Variants in KDM4C observed in about 807,000 individuals in gnomAD.
KDM4C encodes lysine demethylase 4C.
In KDM4C, 81 loss-of-function variants were observed where a neutral mutation model predicts 129.3. That is an observed-to-expected ratio of 0.63 (90% CI 0.52 to 0.75). The LOEUF is 0.75. Ranked by LOEUF, KDM4C falls within the 30% of genes least tolerant of loss-of-function variation. KDM4C has a pLI of 0.00. For missense variants in KDM4C, 1,457 were observed against 1,304.0 expected, an observed-to-expected ratio of 1.12 and a Z score of -1.81; for synonymous variants, 573 against 456.1, an observed-to-expected ratio of 1.26 and a Z score of -3.26.
At chr9:6,825,684 C>G (rs1833763462) in intron 4 of KDM4C, among the ~76,000 whole-genome samples, 1 of 152,140 alleles carries the variant, frequency 6.6e-6, no homozygotes, top group African/African-American at 2.4e-5. Flanking sequence ...AATTGTACCT[C>G]CAAGATTTTT....
intron 4 of KDM4C, among the ~76,000 whole-genome samples, chr9:6,832,139 G>A (rs1003184807): frequency 6.6e-6 from 1 of 151,844 alleles, no homozygotes; most frequent in African/African-American, 2.4e-5. Context: ...GAGATCGAGA[G>A]CATCCTGGCT....
chr9:6,979,863 A>T (rs1014982724), intron 8 of KDM4C, among the ~76,000 whole-genome samples: 1 of 152,194 alleles, frequency 6.6e-6, no homozygotes, highest in African/African-American at 2.4e-5. Context: ...CTATGTATGT[A>T]GGAGAATAGA....
At chr9:6,857,856 G>A (rs1012193868) in intron 5 of KDM4C, among the ~76,000 whole-genome samples, 11 of 149,864 alleles carry the variant, frequency 7.3e-5, no homozygotes, top group African/African-American at 2.5e-4. Context: ...CCGGGCTCAA[G>A]CGATCCTCCC....
intron 1 of KDM4C, among the ~76,000 whole-genome samples, chr9:6,774,666 T>A (rs577360224): frequency 9.9e-4 from 150 of 152,086 alleles, no homozygotes; most frequent in African/African-American, 3.5e-3. Context: ...AAAAAAAAAA[T>A]TTTAACATAG....
chr9:7,066,634 T>A (rs1832459223), intron 17 of KDM4C, among the ~76,000 whole-genome samples: 1 of 152,236 alleles, frequency 6.6e-6, no homozygotes, highest in Non-Finnish European at 1.5e-5. Flanking sequence ...CATAAAATTT[T>A]AAATTATTCA....
At chr9:6,892,077 A>G (rs577987651) in intron 7 of KDM4C, among the ~76,000 whole-genome samples, 198 of 152,306 alleles carry the variant, frequency 1.3e-3, no homozygotes, top group Non-Finnish European at 2.2e-3. Flanking sequence ...AACATACAGC[A>G]TTTGCTAAAT....
chr9:6,784,762 G>A (rs541196343), intron 1 of KDM4C, among the ~76,000 whole-genome samples: 2 of 152,314 alleles, frequency 1.3e-5, no homozygotes, highest in East Asian at 3.9e-4. Context: ...GGCAAAAATG[G>A]TCAGGAGGCT....
chr9:7,055,134 C>T (rs957307359), intron 17 of KDM4C, among the ~76,000 whole-genome samples: 7 of 152,066 alleles, frequency 4.6e-5, no homozygotes, highest in South Asian at 2.1e-4. Flanking sequence ...ACCGAGATGG[C>T]GCCACTGCAC....
At chr9:6,821,516 CTT>C (rs985805276) in intron 4 of KDM4C, among the ~76,000 whole-genome samples, 6 of 152,166 alleles carry the variant, frequency 3.9e-5, no homozygotes, top group African/African-American at 1.4e-4. Flanking sequence ...GCATAGATGT[CTT>C]CTTTTGAGAA....
chr9:6,798,904 C>A (rs1042480270), intron 2 of KDM4C, among the ~76,000 whole-genome samples: 33 of 146,996 alleles, frequency 2.2e-4, no homozygotes, highest in African/African-American at 7.5e-4. Context: ...CGGGCAGAGA[C>A]GTTCCTCACC....
intron 4 of KDM4C, among the ~76,000 whole-genome samples, chr9:6,823,320 G>A (rs1833348727): frequency 6.6e-6 from 1 of 152,144 alleles, no homozygotes; most frequent in Non-Finnish European, 1.5e-5. Context: ...ACCAAAAGGG[G>A]GTAGCTTATC....
chr9:6,847,011 C>G (rs1208599771), intron 4 of KDM4C, among the ~76,000 whole-genome samples: 1 of 152,118 alleles, frequency 6.6e-6, no homozygotes, highest in East Asian at 1.9e-4. Context: ...TTGTCCAGCA[C>G]TATTTGATCT....
At chr9:6,778,713 G>C (rs1823638323) in intron 1 of KDM4C, among the ~76,000 whole-genome samples, 1 of 152,010 alleles carries the variant, frequency 6.6e-6, no homozygotes, top group Non-Finnish European at 1.5e-5. Flanking sequence ...GTTGCAGTGA[G>C]CTGGGATCAT....
chr9:6,796,416 T>C (rs528787134), intron 2 of KDM4C, among the ~76,000 whole-genome samples: 29 of 152,196 alleles, frequency 1.9e-4, no homozygotes, highest in Non-Finnish European at 3.1e-4. Flanking sequence ...TTCTCTTCTC[T>C]GGGCTCTGAA....
chr9:6,948,791 C>A lies in KDM4C; in HGVS notation c.922-32134C>A, dbSNP rs936492960. ...ACACAGCACATGTTTCAGAGAGCAC[C>A]GGGTTGGGGGTAAGGTCATAGATCA... is the stretch of plus-strand genomic sequence containing the variant. On this transcript the variant is annotated intron_variant, in intron 8 of 21. Coordinates refer to ENST00000381309, the MANE Select transcript of KDM4C (RefSeq NM_015061.6). Among the ~76,000 whole-genome samples the A allele has an allele frequency of 1.0e-2, 1,514 of 152,000 alleles. 23 individuals are homozygous for A. Among genetic ancestry groups the A allele is most frequent in the African/African-American group, 0.033 (1,371 of 41,402 alleles).
At chr9:7,075,391 C>G (rs1476272532) in intron 17 of KDM4C, among the ~76,000 whole-genome samples, 2 of 152,188 alleles carry the variant, frequency 1.3e-5, no homozygotes, top group South Asian at 4.2e-4. Flanking sequence ...GGGGTGCGAC[C>G]TAGTGGAGGT....
At chr9:7,025,290 T>A (rs1158426731) in intron 15 of KDM4C, among the ~76,000 whole-genome samples, 4 of 152,196 alleles carry the variant, frequency 2.6e-5, no homozygotes, top group African/African-American at 9.7e-5. Context: ...AACAGATAAT[T>A]GGGTCTTGTT....
intron 8 of KDM4C, among the ~76,000 whole-genome samples, chr9:6,928,907 A>C (rs1466698932): frequency 6.6e-6 from 1 of 152,176 alleles, no homozygotes; most frequent in African/African-American, 2.4e-5. Context: ...GGGACCCTCT[A>C]CAGCTTATCT....
At chr9:6,842,500 A>G (rs1030386805) in intron 4 of KDM4C, among the ~76,000 whole-genome samples, 1 of 151,340 alleles carries the variant, frequency 6.6e-6, no homozygotes, top group Non-Finnish European at 1.5e-5. Context: ...ACGCCTGGCT[A>G]ATTTTTTTTT....
Sources: gnomAD v4.1 joint callset for allele counts (sites outside exome capture counted in the v4.1 genomes callset) on GRCh38, gnomAD v4.1.1 for gene constraint, MANE v1.5 for transcripts, NCBI Gene and HGNC (gene_info 2026-07-23, HGNC 2026-07-21) for gene names.